The following ADAMTS17 variants were observed in gnomAD, a reference collection of about 807,000 sequenced individuals.
The protein encoded by ADAMTS17 is A disintegrin and metalloproteinase with thrombospondin motifs 17.
Under a neutral mutation model 141.5 loss-of-function variants are expected in ADAMTS17, and 113 were observed. That is an observed-to-expected ratio of 0.80 (90% confidence interval 0.69 to 0.93). The LOEUF (loss-of-function observed/expected upper bound fraction) is 0.93. Among genes scored for constraint, ADAMTS17 ranks in the 40% least tolerant of loss-of-function variants. The pLI is 0.00. For missense variants in ADAMTS17, 1,659 were observed against 1,517.9 expected, an observed-to-expected ratio of 1.09 and a Z score of -1.54; for synonymous variants, 768 against 630.6, an observed-to-expected ratio of 1.22 and a Z score of -3.27.
chr15:100,247,385 A>T (rs146199095), intron 7 of ADAMTS17, among the ~76,000 whole-genome samples: 27 of 152,334 alleles, frequency 1.8e-4, no homozygotes, highest in African/African-American at 6.5e-4. Flanking sequence ...CACCCAGCAA[A>T]GAACACTTTT....
intron 15 of ADAMTS17, among the ~76,000 whole-genome samples, chr15:100,072,815 C>T (rs1001469211): frequency 6.6e-6 from 1 of 152,124 alleles, no homozygotes; most frequent in Non-Finnish European, 1.5e-5. Context: ...TAGAAGAAAA[C>T]CTAGGCAATA....
At chr15:100,034,468 G>A (rs1375946949) in intron 18 of ADAMTS17, among the ~76,000 whole-genome samples, 2 of 152,216 alleles carry the variant, frequency 1.3e-5, no homozygotes, top group African/African-American at 4.8e-5. Context: ...TGCAGCCTGG[G>A]AAGCACCTGC....
intron 3 of ADAMTS17, among the ~76,000 whole-genome samples, chr15:100,314,485 G>C (rs1162042097): frequency 6.6e-6 from 1 of 152,196 alleles, no homozygotes; most frequent in Non-Finnish European, 1.5e-5. Flanking sequence ...ATACGAAAGA[G>C]AGGGTTGAAA....
chr15:100,296,572 T>A (rs2044820908), intron 3 of ADAMTS17, among the ~76,000 whole-genome samples: 1 of 111,230 alleles, frequency 9.0e-6, no homozygotes. Context: ...TTGGAGGGGG[T>A]GAGGGGGGGT....
chr15:100,134,172 C>G (rs2038205114), intron 10 of ADAMTS17, among the ~76,000 whole-genome samples: 1 of 152,180 alleles, frequency 6.6e-6, no homozygotes, highest in South Asian at 2.1e-4. Context: ...GCCCAGGGGA[C>G]AGGGAGATGA....
rs138273992 is a variant in ADAMTS17, at chr15:100,003,790, C to G, written c.2592-6201G>C. 2.5e-3 allele frequency among the ~76,000 whole-genome samples: 384 copies of G among 152,174 alleles called. 5 individuals carry two copies. Among genetic ancestry groups the G allele is most frequent in the African/African-American group, 8.9e-3 (370 of 41,426 alleles). On this transcript the variant is annotated intron_variant, in intron 18 of 21. Coordinates refer to ENST00000268070, the MANE Select transcript of ADAMTS17 (RefSeq NM_139057.4). Reference sequence around the variant, plus strand: ...ACCAAAGGAGAAATCCTGTGCAATTCCACTTATGTGAGATCCCTGGAGCAG... The same window carrying G: ...ACCAAAGGAGAAATCCTGTGCAATTGCACTTATGTGAGATCCCTGGAGCAG...
intron 7 of ADAMTS17, among the ~76,000 whole-genome samples, chr15:100,250,761 G>A (rs747660851): frequency 5.3e-5 from 8 of 152,280 alleles, no homozygotes; most frequent in African/African-American, 9.6e-5. Context: ...TATCGGGTCC[G>A]TCCATTTCCT....
chr15:100,069,772 A>C (rs1206478282), intron 15 of ADAMTS17, among the ~76,000 whole-genome samples: 7 of 150,314 alleles, frequency 4.7e-5, no homozygotes, highest in Non-Finnish European at 1.0e-4. Context: ...ACAACTGGTA[A>C]CAGCCACTGC....
intron 12 of ADAMTS17, among the ~76,000 whole-genome samples, chr15:100,131,067 G>A (rs572447393): frequency 6.6e-6 from 1 of 152,256 alleles, no homozygotes; most frequent in Non-Finnish European, 1.5e-5. Context: ...GTCCTTTGCA[G>A]GGACATGGAT....
chr15:100,139,116 G>C (rs988299376), intron 10 of ADAMTS17, among the ~76,000 whole-genome samples: 1 of 151,976 alleles, frequency 6.6e-6, no homozygotes, highest in Non-Finnish European at 1.5e-5. Context: ...AAAAATATAA[G>C]GGTTGGCTCT....
intron 8 of ADAMTS17, among the ~76,000 whole-genome samples, chr15:100,170,245 A>C (rs2040109682): frequency 6.6e-6 from 1 of 152,314 alleles, no homozygotes; most frequent in African/African-American, 2.4e-5. Flanking sequence ...ACATATTGCC[A>C]GGAGACTGCT....
At chr15:100,047,409 A>G (rs2031794076) in intron 18 of ADAMTS17, among the ~76,000 whole-genome samples, 1 of 151,512 alleles carries the variant, frequency 6.6e-6, no homozygotes, top group South Asian at 2.1e-4. Context: ...AAAATCCCTA[A>G]TAAAAACTTG....
chr15:100,250,250 G>A (rs960120554), intron 7 of ADAMTS17, among the ~76,000 whole-genome samples: 7 of 152,144 alleles, frequency 4.6e-5, no homozygotes, highest in Non-Finnish European at 8.8e-5. Flanking sequence ...ACAAAAAAAC[G>A]CTGTTATATA....
intron 8 of ADAMTS17, among the ~76,000 whole-genome samples, chr15:100,161,958 C>G (rs2039710292): frequency 6.6e-6 from 1 of 152,176 alleles, no homozygotes; most frequent in Middle Eastern, 3.2e-3. Flanking sequence ...AAGGCGAACC[C>G]CAGAGTAGAC....
At chr15:100,020,915 A>G (rs7175540) in intron 18 of ADAMTS17, among the ~76,000 whole-genome samples, 12,334 of 151,510 alleles carry the variant, frequency 0.081, 1,601 homozygotes, top group African/African-American at 0.28. Flanking sequence ...TCTCCTCCTC[A>G]TTTTCTCCTG....
At chr15:100,165,192 T>C (rs973685302) in intron 8 of ADAMTS17, among the ~76,000 whole-genome samples, 1 of 152,234 alleles carries the variant, frequency 6.6e-6, no homozygotes, top group Non-Finnish European at 1.5e-5. Context: ...CCTGCCACTC[T>C]GATCTTGCTC....
At chr15:100,215,353 G>C (rs2041937183) in intron 7 of ADAMTS17, among the ~76,000 whole-genome samples, 1 of 152,208 alleles carries the variant, frequency 6.6e-6, no homozygotes, top group African/African-American at 2.4e-5. Context: ...CTACCAGATG[G>C]ATTAGGGCCC....
chr15:100,056,865 G>C (rs2032616506), intron 15 of ADAMTS17, among the ~76,000 whole-genome samples: 1 of 152,116 alleles, frequency 6.6e-6, no homozygotes, highest in Non-Finnish European at 1.5e-5. Context: ...GTTTGGAAGG[G>C]AGAGAGAGAA....
rs546789662 is a variant in ADAMTS17, at chr15:100,176,643, C to T, written c.1182-21323G>A. 2.0e-5 allele frequency among the ~76,000 whole-genome samples: 3 copies of T among 152,298 alleles called. No homozygotes were observed. The South Asian group carries it at 6.2e-4, about 32-fold the overall frequency. ...ACTTGTTCTGATTAAACCACTTATACATGCGTTCATTCATATGTGTAGAGC... is the reference window on the plus strand; with the variant it reads ...ACTTGTTCTGATTAAACCACTTATATATGCGTTCATTCATATGTGTAGAGC... On this transcript the variant is annotated intron_variant, in intron 8 of 21. Coordinates refer to ENST00000268070, the MANE Select transcript of ADAMTS17 (RefSeq NM_139057.4).
Sources: gnomAD v4.1 joint callset for allele counts (sites outside exome capture counted in the v4.1 genomes callset) on GRCh38, gnomAD v4.1.1 for gene constraint, MANE v1.5 for transcripts, NCBI Gene and HGNC (gene_info 2026-07-23, HGNC 2026-07-21) for gene names.